RTTN: variants seen among roughly 807,000 people sequenced by gnomAD.
The protein encoded by RTTN is rotatin.
RTTN carries 182 observed loss-of-function variants against 269.2 expected under a neutral mutation model. The observed-to-expected ratio is 0.68, with a 90% confidence interval of 0.60 to 0.76. The LOEUF is 0.76. Ranked by LOEUF, RTTN falls within the 30% of genes least tolerant of loss-of-function variation. The pLI, the probability that RTTN is intolerant of heterozygous loss-of-function variation, is 0.00. For synonymous variants in RTTN, 1,006 were observed against 963.5 expected (o/e 1.04, Z -0.82); for missense variants, 2,545 against 2,608.6 (o/e 0.98, Z 0.53).
rs1290400252 is a variant in RTTN, at chr18:70,054,179, TAAGAG to T, written c.5132_5136del (p.Pro1711HisfsTer18). 1 of 1,613,626 alleles carries T rather than the reference TAAGAG, an allele frequency of 6.2e-7. No individual in the cohort carries two copies. The highest frequency in any genetic ancestry group is 8.5e-7 in the Non-Finnish European group (1 of 1,179,718). On this transcript the variant is annotated frameshift_variant, in exon 38 of 49. Coordinates refer to ENST00000640769, the MANE Select transcript of RTTN (RefSeq NM_173630.4). LOFTEE classifies it high-confidence loss of function. ...GTGAGAATTCCAATGATATTGGTGA[TAAGAG>T]GTTTCACAAGCTCATCCTGAATCAC...
At chr18:70,117,338 A>G (rs1371850652) in intron 26 of RTTN, among the ~76,000 whole-genome samples, 1 of 152,082 alleles carries the variant, frequency 6.6e-6, no homozygotes, top group Non-Finnish European at 1.5e-5. Context: ...TTTAAAAGGT[A>G]CTTGATTTTC....
chr18:70,140,973 C>T (rs1398920148), intron 19 of RTTN, among the ~76,000 whole-genome samples: 1 of 151,944 alleles, frequency 6.6e-6, no homozygotes, highest in East Asian at 1.9e-4. Context: ...CAATCTTTAG[C>T]TGCTACTTAA....
At chr18:70,083,934 A>G (rs559631239) in intron 32 of RTTN, among the ~76,000 whole-genome samples, 3 of 151,974 alleles carry the variant, frequency 2.0e-5, no homozygotes. Flanking sequence ...CATACAGAAA[A>G]AGTCACAATT....
chr18:70,169,034 CT>C lies in RTTN; in HGVS notation c.1509del (p.Ala504HisfsTer29), dbSNP rs1308916769. 6.2e-7 allele frequency: 1 copy of C among 1,611,268 alleles called. No homozygotes were observed. Among genetic ancestry groups the C allele is most frequent in the African/African-American group, 1.3e-5 (1 of 74,848 alleles). On this transcript the variant is annotated frameshift_variant, in exon 12 of 49. Transcript: ENST00000640769. LOFTEE classifies it high-confidence loss of function. Reference sequence around the variant, plus strand: ...ATGTCCAAAGAAAGGAGAAATAATGCTGTTGACATAGGCTCTGATAAAAACT... The same window carrying C: ...ATGTCCAAAGAAAGGAGAAATAATGCGTTGACATAGGCTCTGATAAAAACT... ...ASEFLSEPMSTALFLLSLDMP... is the reference protein window; with the variant it reads ...ASEFLSEPMSXALFLLSLDMP...
At chr18:70,165,099 T>G (rs1266126825) in intron 14 of RTTN, among the ~76,000 whole-genome samples, 1 of 152,100 alleles carries the variant, frequency 6.6e-6, no homozygotes, top group African/African-American at 2.4e-5. Flanking sequence ...TTCAAACGTA[T>G]GCACACAGTC....
At chr18:70,108,180 G>C (rs969225026) in intron 28 of RTTN, among the ~76,000 whole-genome samples, 1 of 152,114 alleles carries the variant, frequency 6.6e-6, no homozygotes, top group African/African-American at 2.4e-5. Context: ...GGGAGGCTGA[G>C]GCAGGAGAAT....
intron 10 of RTTN, among the ~76,000 whole-genome samples, chr18:70,181,351 T>C (rs2061417794): frequency 6.6e-6 from 1 of 152,206 alleles, no homozygotes; most frequent in African/African-American, 2.4e-5. Context: ...GAAAGCTACT[T>C]TCTCCTTGCA....
intron 23 of RTTN, chr18:70,130,747 C>G (rs2059977992): frequency 6.6e-6 from 1 of 151,620 alleles, no homozygotes; most frequent in Non-Finnish European, 1.5e-5. Context: ...AAATAGTTAA[C>G]AGTAATTTGT....
intron 35 of RTTN, among the ~76,000 whole-genome samples, chr18:70,061,009 T>C (rs2057968037): frequency 6.6e-6 from 1 of 152,182 alleles, no homozygotes; most frequent in African/African-American, 2.4e-5. Context: ...CTGACGGAAC[T>C]TAGACTGATT....
In RTTN at chr18:70,051,476, T is replaced by C. The variant is rs2057666171; in HGVS notation, c.5258A>G (p.Lys1753Arg). Reference protein sequence around the residue: ...LFNLLAMLLRKAGAITLPFVT... With the variant: ...LFNLLAMLLRRAGAITLPFVT... Reference sequence around the variant, plus strand: ...AAACGGGAGTGTGATGGCACCAGCTTTCCTCAGGAGCATGGCCAGAAGATT... The same window carrying C: ...AAACGGGAGTGTGATGGCACCAGCTCTCCTCAGGAGCATGGCCAGAAGATT... The change falls in exon 39 of 49, where the codon AAA becomes AGA. Residue 1753 changes from lysine to arginine, a missense_variant. Lys to Arg is a conservative substitution (Grantham distance 26). Coordinates refer to ENST00000640769, the MANE Select transcript of RTTN (RefSeq NM_173630.4). The C allele has an allele frequency of 3.1e-6, 5 of 1,613,758 alleles. No homozygotes were observed. The highest frequency in any genetic ancestry group is 2.7e-5 in the African/African-American group (2 of 74,912).
chr18:70,068,974 A>T (rs2058222925), intron 34 of RTTN, among the ~76,000 whole-genome samples: 1 of 152,214 alleles, frequency 6.6e-6, no homozygotes, highest in Non-Finnish European at 1.5e-5. Context: ...GTCCTAAAAC[A>T]GACTCAGATT....
At chr18:70,029,208 T>C (rs1198788080) in intron 42 of RTTN, among the ~76,000 whole-genome samples, 1 of 151,516 alleles carries the variant, frequency 6.6e-6, no homozygotes, top group Non-Finnish European at 1.5e-5. Context: ...ATCAATCTCC[T>C]GCATCAATTA....
In RTTN at chr18:70,134,506, G is replaced by A. The variant is rs1284338810; in HGVS notation, c.2921C>T (p.Ser974Leu). 8.1e-6 allele frequency: 13 copies of A among 1,609,812 alleles called. No individual in the cohort carries two copies. The highest frequency in any genetic ancestry group is 5.4e-5 in the African/African-American group (4 of 74,656). The change falls in exon 23 of 49, where the codon TCG becomes TTG. Residue 974 changes from serine to leucine, a missense_variant. Transcript: ENST00000640769. ...VNPSNKPSLP[S>L]VFSLPVSVFR... Reference sequence around the variant, plus strand: ...AACGGAAACAGGCAAACTGAAGACCGATGGCAAAGAAGGTTTATTGGAAGG... The same window carrying A: ...AACGGAAACAGGCAAACTGAAGACCAATGGCAAAGAAGGTTTATTGGAAGG...
At chr18:70,083,911 T>TG (rs994935631) in intron 32 of RTTN, among the ~76,000 whole-genome samples, 1 of 150,936 alleles carries the variant, frequency 6.6e-6, no homozygotes, top group Non-Finnish European at 1.5e-5. Flanking sequence ...CCATCTTTTT[T>TG]TTTTTTTAAG....
intron 28 of RTTN, among the ~76,000 whole-genome samples, chr18:70,099,769 G>A (rs2059107915): frequency 6.6e-6 from 1 of 152,178 alleles, no homozygotes; most frequent in Non-Finnish European, 1.5e-5. Context: ...AAGGTGTAAG[G>A]AAGGGATCCA....
chr18:70,155,808 T>G (rs1359782577), intron 14 of RTTN, among the ~76,000 whole-genome samples: 4 of 152,242 alleles, frequency 2.6e-5, no homozygotes, highest in African/African-American at 7.2e-5. Context: ...CATTTATTAG[T>G]TCTCCAAATT....
Position 70,149,016 on chromosome 18 carries a change from G to A in RTTN, c.2194C>T (p.Pro732Ser). 6.2e-7 allele frequency: 1 copy of A among 1,613,290 alleles called. No individual in the cohort carries two copies. Among genetic ancestry groups the A allele is most frequent in the Non-Finnish European group, 8.5e-7 (1 of 1,179,446 alleles). ...AGAAGGAGAATGCAGTTACCCAGAG[G>A]ATCTTCTGTGTCGGCATAGCCCTAA... ...ILQGYADTED[P>S]LGNCILLLSK... Residue 732 changes from proline to serine, a missense_variant, in exon 17 of 49, where the codon CCT becomes TCT. Pro to Ser is a moderately conservative substitution (Grantham distance 74, BLOSUM62 -1). Transcript: ENST00000640769.
intron 10 of RTTN, among the ~76,000 whole-genome samples, chr18:70,182,025 A>G (rs2061431992): frequency 6.6e-6 from 1 of 152,190 alleles, no homozygotes. Flanking sequence ...TTAAGAAACA[A>G]CTGATAAAGC....
chr18:70,078,962 T>C (rs1347250518), intron 32 of RTTN, among the ~76,000 whole-genome samples: 1 of 151,974 alleles, frequency 6.6e-6, no homozygotes, highest in African/African-American at 2.4e-5. Context: ...GTGTGACCAG[T>C]GGAGAAATAA....
Sources: gnomAD v4.1 joint callset for allele counts (sites outside exome capture counted in the v4.1 genomes callset) on GRCh38, gnomAD v4.1.1 for gene constraint, MANE v1.5 for transcripts, NCBI Gene and HGNC (gene_info 2026-07-23, HGNC 2026-07-21) for gene names.